Variants in WDFY3 observed in about 807,000 individuals in gnomAD.
WDFY3 encodes WD repeat and FYVE domain-containing protein 3.
WDFY3 carries 66 observed loss-of-function variants against 409.6 expected under a neutral mutation model. The observed-to-expected ratio is 0.16, with a 90% CI of 0.13 to 0.20. The LOEUF (loss-of-function observed/expected upper bound fraction) is 0.20. WDFY3 is among the 10% of genes least tolerant of loss of function. The probability of loss-of-function intolerance (pLI) is 1.00; values close to 1 mark genes in which losing one functional copy is unlikely to be tolerated. For missense variants in WDFY3, 3,031 were observed against 4,298.1 expected (o/e 0.71, Z 8.24); for synonymous variants, 1,521 against 1,537.1 (o/e 0.99, Z 0.25).
chr4:84,795,785 C>A (rs1433028422), intron 19 of WDFY3, among the ~76,000 whole-genome samples: 2 of 151,404 alleles, frequency 1.3e-5, no homozygotes, highest in Non-Finnish European at 2.9e-5. Flanking sequence ...AAAAACAAAA[C>A]TCTAATAGCT....
At chr4:84,882,162 A>G (rs1763624792) in intron 3 of WDFY3, among the ~76,000 whole-genome samples, 3 of 152,102 alleles carry the variant, frequency 2.0e-5, no homozygotes, top group African/African-American at 7.2e-5. Flanking sequence ...TCACCTAGAA[A>G]AACAAGCACT....
chr4:84,851,103 T>A (rs1027520540), intron 4 of WDFY3, among the ~76,000 whole-genome samples: 6 of 151,430 alleles, frequency 4.0e-5, no homozygotes, highest in Admixed American at 2.6e-4. Context: ...AAATAATTTT[T>A]AAAAATAAAT....
At chr4:84,824,380 G>A (rs1160451787) in intron 10 of WDFY3, among the ~76,000 whole-genome samples, 2 of 152,138 alleles carry the variant, frequency 1.3e-5, no homozygotes, top group Admixed American at 6.5e-5. Context: ...TATGTATGAT[G>A]TGGAAGAAAA....
At position 84,921,262 on chromosome 4, in the gene WDFY3, C is replaced by T. The variant is rs551460521; in HGVS notation, c.-132+11008G>A. 2.4e-4 allele frequency among the ~76,000 whole-genome samples: 36 copies of T among 150,028 alleles called. 1 individual carries two copies. In the South Asian group the frequency reaches 7.2e-3, roughly 30 times the overall value. On this transcript the variant is annotated intron_variant, in intron 2 of 67. Coordinates refer to ENST00000295888, the MANE Select transcript of WDFY3 (RefSeq NM_014991.6). ...TGTTCAGTGCCTTTTATACAAATAA[C>T]ATAAGAACCCTGGAAGAAGGAAAGG...
chr4:84,928,527 C>T (rs952775891), intron 2 of WDFY3, among the ~76,000 whole-genome samples: 1 of 152,090 alleles, frequency 6.6e-6, no homozygotes, highest in Non-Finnish European at 1.5e-5. Flanking sequence ...TGGATTTTTC[C>T]ATCAGTGTAA....
intron 47 of WDFY3, 149 bp downstream of exon 47, chr4:84,721,260 G>A: frequency 1.0e-6 from 1 of 997,394 alleles, no homozygotes. Flanking sequence ...GATGAGAAAA[G>A]TAGAGTACTG....
intron 3 of WDFY3, among the ~76,000 whole-genome samples, chr4:84,866,976 C>T (rs115012152): frequency 6.6e-6 from 1 of 152,152 alleles, no homozygotes; most frequent in Non-Finnish European, 1.5e-5. Context: ...AAAGAATAGG[C>T]ACTTATCAAA....
intron 32 of WDFY3, among the ~76,000 whole-genome samples, chr4:84,759,310 T>G (rs1031903197): frequency 9.2e-5 from 14 of 151,936 alleles, no homozygotes; most frequent in African/African-American, 3.1e-4. Flanking sequence ...TCCATATGAA[T>G]TTTAAAGTAG....
In WDFY3 at chr4:84,966,272, C is replaced by A. The variant is rs1775744831; in HGVS notation, c.-289G>T. Reference sequence around the variant, plus strand: ...GAGACGGGACCGCGGCGGGCCGGGGCTCCGCGCCGAGGGCGCACGGGCTAC... The same window carrying A: ...GAGACGGGACCGCGGCGGGCCGGGGATCCGCGCCGAGGGCGCACGGGCTAC... On this transcript the variant is annotated 5_prime_UTR_variant, in exon 1 of 68. Coordinates refer to ENST00000295888, the MANE Select transcript of WDFY3 (RefSeq NM_014991.6). 6.7e-6 allele frequency: 1 copy of A among 149,946 alleles called. No homozygotes were observed. Among genetic ancestry groups the A allele is most frequent in the Non-Finnish European group, 1.5e-5 (1 of 67,340 alleles). 9.3% of individuals were successfully genotyped at this position (149,946 alleles called of 1,614,324 possible).
rs145711140 is a variant in WDFY3, at chr4:84,755,395, A to G, written c.5430T>C (p.Asp1810=). The G allele has an allele frequency of 5.7e-5, 92 of 1,606,756 alleles. No individual in the cohort carries two copies. The African/African-American group carries it at 1.2e-3, about 20-fold the overall frequency. Residue 1810 remains aspartate (D), a synonymous_variant, in exon 34 of 68, where the codon GAT becomes GAC. Coordinates refer to ENST00000295888, the MANE Select transcript of WDFY3 (RefSeq NM_014991.6). ...AGATGAATGTCCAAATGGAATCCAA[A>G]TCAAACTGCAGAGGTGAAAGGGAGC... is the stretch of plus-strand genomic sequence containing the variant. ...SCRSKQGCQF[D]LDSIWTFIFG... is the part of the protein sequence containing the mutation.
intron 14 of WDFY3, 37 bp from the exon 15 acceptor site, chr4:84,808,454 G>A (rs767149551): frequency 6.3e-7 from 1 of 1,589,024 alleles, no homozygotes; most frequent in East Asian, 2.2e-5. Flanking sequence ...GTTTAGAGAG[G>A]TTAGAAGAAG....
chr4:84,936,439 T>G (rs1771421806), intron 1 of WDFY3, among the ~76,000 whole-genome samples: 1 of 152,034 alleles, frequency 6.6e-6, no homozygotes, highest in South Asian at 2.1e-4. Context: ...GAGGATCACT[T>G]AAGTCCAGGA....
intron 54 of WDFY3, 122 bp from the exon 55 acceptor site, chr4:84,704,566 T>C: frequency 1.5e-6 from 1 of 661,998 alleles, no homozygotes; most frequent in Admixed American, 3.4e-5. Flanking sequence ...ATGCAATTAG[T>C]ACTGGCATTT....
chr4:84,765,922 A>G lies in WDFY3; in HGVS notation c.5076T>C (p.Val1692=). Residue 1692 remains valine, a synonymous_variant, in exon 32 of 68, where the codon GTT becomes GTC. Coordinates refer to ENST00000295888, the MANE Select transcript of WDFY3 (RefSeq NM_014991.6). The part of the protein sequence containing the change: ...TTVTAAMRIL[V]VLLSNQSILI... ...GAATAGACTGATTACTTAGTAGGAC[A>G]ACAAGAATCCTCATGGCTGCTGTAA... 1 of 1,614,024 alleles carries G rather than the reference A, an allele frequency of 6.2e-7. No individual in the cohort carries two copies.
intron 19 of WDFY3, among the ~76,000 whole-genome samples, chr4:84,795,865 T>C (rs569061065): frequency 6.6e-6 from 1 of 152,194 alleles, no homozygotes; most frequent in Non-Finnish European, 1.5e-5. Context: ...TGAATTCTTA[T>C]AGATTTTTTA....
rs1397642433 is a variant in WDFY3 at position 84,691,820 on chromosome 4, C to T, written c.9050-35G>A. 3.2e-6 allele frequency: 5 copies of T among 1,555,242 alleles called. No homozygotes were observed. The East Asian group carries it at 1.1e-4, about 35-fold the overall frequency. On this transcript the variant is annotated intron_variant, in intron 59 of 67. Coordinates refer to ENST00000295888, the MANE Select transcript of WDFY3 (RefSeq NM_014991.6). ...AGAAATCATGGTATTAGGACAGGAA[C>T]AGGAAAAACTAATGTCATTATCTCA... is the stretch of plus-strand genomic sequence containing the variant.
Position 84,829,134 on chromosome 4 carries a change from G to A in WDFY3, c.826C>T (p.Pro276Ser), listed in dbSNP as rs754729603. The A allele has an allele frequency of 1.9e-6, 3 of 1,613,262 alleles. No homozygotes were observed. The highest frequency in any genetic ancestry group is 1.7e-6 in the Non-Finnish European group (2 of 1,179,528). The change falls in exon 9 of 68, where the codon CCC becomes TCC. Residue 276 changes from proline (P) to serine (S), a missense_variant. By Grantham distance (74) the Pro-to-Ser change is moderately conservative. Coordinates refer to ENST00000295888, the MANE Select transcript of WDFY3 (RefSeq NM_014991.6). ...GCAAACATTTCGACAATTTCTAGGGGAGACAGGTCATCTGATTGCTGCATA... is the reference window on the plus strand; with the variant it reads ...GCAAACATTTCGACAATTTCTAGGGAAGACAGGTCATCTGATTGCTGCATA... The part of the protein sequence containing the change: ...QNMQQSDDLS[P>S]LEIVEMFAGL...
intron 1 of WDFY3, among the ~76,000 whole-genome samples, chr4:84,963,010 A>G (rs955248441): frequency 1.6e-4 from 25 of 152,002 alleles, no homozygotes; most frequent in African/African-American, 5.3e-4. Flanking sequence ...GATGATAAAT[A>G]CACCACACAC....
At chr4:84,703,094 CAA>C (rs766684218) in intron 55 of WDFY3, among the ~76,000 whole-genome samples, 3 of 107,682 alleles carry the variant, frequency 2.8e-5, no homozygotes, top group Non-Finnish European at 3.9e-5. Flanking sequence ...GACTCTGTCT[CAA>C]AAAAAAAAAA....
Sources: allele counts gnomAD v4.1 joint callset (sites outside exome capture counted in the v4.1 genomes callset), GRCh38; gene constraint gnomAD v4.1.1; transcripts MANE v1.5; gene names NCBI Gene and HGNC (gene_info 2026-07-23, HGNC 2026-07-21).